The following CALN1 variants were observed in gnomAD, a reference collection of about 807,000 sequenced individuals.
CALN1 encodes the protein calcium-binding protein 8.
In CALN1, 17 loss-of-function variants were observed where a neutral mutation model predicts 30.6. The observed-to-expected ratio is 0.56, with a 90% confidence interval of 0.38 to 0.83. CALN1 has a LOEUF of 0.83. Among genes scored for constraint, CALN1 ranks in the 40% least tolerant of loss-of-function variants. CALN1 has a pLI of 0.00. For synonymous variants in CALN1, 156 were observed against 131.4 expected (o/e 1.19, Z -1.28); for missense variants, 291 against 354.9 (o/e 0.82, Z 1.45).
At chr7:71,999,755 C>G (rs1352407537) in intron 5 of CALN1, among the ~76,000 whole-genome samples, 1 of 152,228 alleles carries the variant, frequency 6.6e-6, no homozygotes, top group East Asian at 1.9e-4. Flanking sequence ...TCAAGTGATC[C>G]ACCAGCCTCA....
intron 1 of CALN1, among the ~76,000 whole-genome samples, chr7:72,403,839 G>C (rs1806520212): frequency 6.6e-6 from 1 of 152,190 alleles, no homozygotes; most frequent in South Asian, 2.1e-4. Context: ...CACCAGGAAA[G>C]CCACAGAAAC....
intron 1 of CALN1, among the ~76,000 whole-genome samples, chr7:72,423,832 A>C (rs1807699555): frequency 6.6e-6 from 1 of 150,938 alleles, no homozygotes. Context: ...AAAAAGAGAG[A>C]GAGACAAAGA....
Position 72,255,399 on chromosome 7 carries a change from C to CTT in CALN1, c.244+23285_244+23286dup, listed in dbSNP as rs1336267807. Among the ~76,000 whole-genome samples the CTT allele has an allele frequency of 1.7e-4, 10 of 60,012 alleles. No individual in the cohort carries two copies. In the East Asian group the frequency reaches 2.9e-3, roughly 17 times the overall value. 39.4% of individuals were successfully genotyped at this position (60,012 alleles called of 152,430 possible). ...CACCACACCCAGCCTTTTTTCTTTT[C>CTT]TTTTCTTTTTTTATTATTATTGTTA... On this transcript the variant is annotated intron_variant, in intron 3 of 6. Transcript: ENST00000395275.
intron 3 of CALN1, among the ~76,000 whole-genome samples, chr7:72,147,481 G>GATGTGGAGAAATACGAAC (rs775589538): frequency 9.9e-6 from 1 of 100,840 alleles, no homozygotes; most frequent in Non-Finnish European, 2.3e-5. Flanking sequence ...TGTTGGAGAG[G>GATGTGGAGAAATACGAAC]ACTGTTACAC....
At chr7:72,324,441 G>C (rs1352761324) in intron 2 of CALN1, among the ~76,000 whole-genome samples, 1 of 151,786 alleles carries the variant, frequency 6.6e-6, no homozygotes, top group Non-Finnish European at 1.5e-5. Flanking sequence ...CCTGCCTCTT[G>C]CATTTACCTT....
intron 4 of CALN1, among the ~76,000 whole-genome samples, chr7:72,024,781 C>T (rs1051881515): frequency 1.3e-5 from 2 of 151,990 alleles, no homozygotes; most frequent in African/African-American, 4.8e-5. Context: ...TCAATTTGTC[C>T]CCAACCTTTG....
intron 3 of CALN1, among the ~76,000 whole-genome samples, chr7:72,251,064 G>A (rs1031418752): frequency 6.6e-6 from 1 of 151,966 alleles, no homozygotes; most frequent in African/African-American, 2.4e-5. Context: ...TGGAGCTGAG[G>A]CTGCACCCTT....
chr7:72,379,168 C>T (rs6973603), intron 2 of CALN1, among the ~76,000 whole-genome samples: 57,869 of 151,936 alleles, frequency 0.38, 11,691 homozygotes, highest in Admixed American at 0.46. Context: ...CTTGCTCTGT[C>T]ACACAAACTG....
intron 2 of CALN1, among the ~76,000 whole-genome samples, chr7:72,391,234 C>G (rs1805559142): frequency 6.6e-6 from 1 of 152,058 alleles, no homozygotes; most frequent in Non-Finnish European, 1.5e-5. Flanking sequence ...AGATGTAGAC[C>G]CAAAGTGAAG....
chr7:72,148,102 A>T (rs936998697), intron 3 of CALN1, among the ~76,000 whole-genome samples: 6 of 85,204 alleles, frequency 7.0e-5, no homozygotes, highest in African/African-American at 3.3e-4. Flanking sequence ...AAAAAAAAAT[A>T]AAAAAAAAAA....
At chr7:72,363,724 C>CTTTTT (rs66989275) in intron 2 of CALN1, among the ~76,000 whole-genome samples, 4 of 111,852 alleles carry the variant, frequency 3.6e-5, no homozygotes, top group Non-Finnish European at 7.0e-5. Context: ...TTAAAAAAAA[C>CTTTTT]TTTTTTTTTT....
chr7:72,167,580 A>C (rs1788617776), intron 3 of CALN1, among the ~76,000 whole-genome samples: 1 of 152,154 alleles, frequency 6.6e-6, no homozygotes, highest in Admixed American at 6.6e-5. Context: ...CCTGACCTCA[A>C]GTGATCCACC....
At chr7:72,262,219 G>C (rs1425224804) in intron 3 of CALN1, among the ~76,000 whole-genome samples, 1 of 152,162 alleles carries the variant, frequency 6.6e-6, no homozygotes, top group Non-Finnish European at 1.5e-5. Flanking sequence ...ACTTTAAAAG[G>C]AGATCTATGG....
intron 5 of CALN1, among the ~76,000 whole-genome samples, chr7:71,905,762 T>C (rs910780309): frequency 4.6e-5 from 7 of 151,936 alleles, no homozygotes; most frequent in Non-Finnish European, 1.0e-4. Flanking sequence ...ATAAAAAAAA[T>C]CTAGGGTTTA....
At chr7:71,858,721 TG>T in intron 5 of CALN1, among the ~76,000 whole-genome samples, 1 of 151,954 alleles carries the variant, frequency 6.6e-6, no homozygotes, top group South Asian at 2.1e-4. Flanking sequence ...TTCAAAAGAG[TG>T]AATCTACCTA....
chr7:71,883,261 T>A (rs2116829979), intron 5 of CALN1, among the ~76,000 whole-genome samples: 1 of 152,214 alleles, frequency 6.6e-6, no homozygotes, highest in South Asian at 2.1e-4. Flanking sequence ...AAGTATTTGG[T>A]GCTGTATGAA....
At chr7:71,789,586 G>C (rs956069656) in intron 6 of CALN1, among the ~76,000 whole-genome samples, 10 of 152,024 alleles carry the variant, frequency 6.6e-5, no homozygotes, top group Admixed American at 4.6e-4. Context: ...TGTGAAGATA[G>C]GGGGGCACCA....
chr7:72,358,831 G>A (rs2129559653), intron 2 of CALN1, among the ~76,000 whole-genome samples: 1 of 151,946 alleles, frequency 6.6e-6, no homozygotes, highest in Non-Finnish European at 1.5e-5. Flanking sequence ...CACCTATAAT[G>A]CCTGTAATCC....
intron 3 of CALN1, among the ~76,000 whole-genome samples, chr7:72,267,531 G>A (rs1796678443): frequency 6.6e-6 from 1 of 152,216 alleles, no homozygotes; most frequent in Non-Finnish European, 1.5e-5. Flanking sequence ...GACATGACGG[G>A]TACAAGGGAA....
Sources: allele counts gnomAD v4.1 joint callset (sites outside exome capture counted in the v4.1 genomes callset), GRCh38; gene constraint gnomAD v4.1.1; transcripts MANE v1.5; gene names NCBI Gene and HGNC (gene_info 2026-07-23, HGNC 2026-07-21).